The following FARP1 variants were observed in gnomAD, a reference collection of about 807,000 sequenced individuals.
The protein encoded by FARP1 is FERM, ARHGEF and pleckstrin domain-containing protein 1.
Under a neutral mutation model 128.8 loss-of-function variants are expected in FARP1, and 52 were observed. The observed-to-expected ratio is 0.40, with a 90% CI of 0.32 to 0.51. The LOEUF (loss-of-function observed/expected upper bound fraction) is 0.51, where lower values mean the gene tolerates loss of function less well. FARP1 is among the 20% of genes least tolerant of loss of function. The pLI is 0.45. For synonymous variants in FARP1, 580 were observed against 551.8 expected (o/e 1.05, Z -0.72); for missense variants, 1,333 against 1,367.9 (o/e 0.97, Z 0.40).
intron 2 of FARP1, among the ~76,000 whole-genome samples, chr13:98,312,417 G>A (rs957296782): frequency 2.0e-5 from 3 of 152,180 alleles, no homozygotes; most frequent in Non-Finnish European, 2.9e-5. Flanking sequence ...GGGATTACAG[G>A]CGTGAGACAC....
rs188198481 is a variant in FARP1 at position 98,252,535 on chromosome 13, G to A, written c.171+39122G>A. On this transcript the variant is annotated intron_variant, in intron 2 of 26. Coordinates refer to ENST00000319562, the MANE Select transcript of FARP1 (RefSeq NM_005766.4). ...CAACAATGGCCCAGCTAATGGACAG[G>A]AGTGCCCTGGTGGCAGATGGTCTGG... is the stretch of plus-strand genomic sequence containing the variant. Among the ~76,000 whole-genome samples, 328 of 152,354 alleles carry A rather than the reference G, an allele frequency of 2.2e-3. 1 individual carries two copies. The highest frequency in any genetic ancestry group is 3.6e-3 in the Non-Finnish European group (245 of 68,036).
At chr13:98,235,486 C>T (rs1159943581) in intron 2 of FARP1, among the ~76,000 whole-genome samples, 1 of 152,108 alleles carries the variant, frequency 6.6e-6, no homozygotes, top group African/African-American at 2.4e-5. Context: ...GTATCGGAGA[C>T]AGAGGGGGAA....
intron 2 of FARP1, among the ~76,000 whole-genome samples, chr13:98,286,537 C>T (rs575666827): frequency 3.3e-5 from 5 of 152,242 alleles, no homozygotes; most frequent in South Asian, 2.1e-4. Context: ...TCTTGTCTGC[C>T]GCCATGTGAG....
chr13:98,291,663 G>A (rs1594365810), intron 2 of FARP1, among the ~76,000 whole-genome samples: 2 of 152,206 alleles, frequency 1.3e-5, no homozygotes, highest in East Asian at 3.9e-4. Context: ...CCTGGTGCAG[G>A]GAGTCACTCC....
chr13:98,165,709 G>GTTTTTT (rs1566685742), intron 1 of FARP1, among the ~76,000 whole-genome samples: 6 of 102,472 alleles, frequency 5.9e-5, no homozygotes, highest in African/African-American at 1.0e-4. Flanking sequence ...TTCCAGAAGG[G>GTTTTTT]GTTTTTTTTT....
At chr13:98,201,959 GTTGA>G (rs1433877741) in intron 1 of FARP1, among the ~76,000 whole-genome samples, 2 of 152,224 alleles carry the variant, frequency 1.3e-5, no homozygotes, top group African/African-American at 4.8e-5. Flanking sequence ...GAAGTGTCTG[GTTGA>G]TGTAAAACAG....
chr13:98,379,122 A>AAT (rs570719713), intron 6 of FARP1, among the ~76,000 whole-genome samples: 770 of 54,138 alleles, frequency 0.014, 134 homozygotes, highest in Non-Finnish European at 0.02. Flanking sequence ...ATCTATATAT[A>AAT]ATATATATAT....
intron 7 of FARP1, among the ~76,000 whole-genome samples, chr13:98,385,081 A>G (rs1326952280): frequency 1.3e-5 from 2 of 152,194 alleles, no homozygotes; most frequent in African/African-American, 4.8e-5. Flanking sequence ...AACAAAAGAG[A>G]AAGTAAGAGC....
At chr13:98,199,474 TTTG>T (rs1295243567) in intron 1 of FARP1, among the ~76,000 whole-genome samples, 5 of 152,220 alleles carry the variant, frequency 3.3e-5, no homozygotes, top group African/African-American at 1.2e-4. Flanking sequence ...CTCATAAATG[TTTG>T]TTAATGGTGA....
chr13:98,389,932 C>G (rs574471205), intron 9 of FARP1, 25 bp from the exon 10 acceptor site: 2 of 1,611,372 alleles, frequency 1.2e-6, no homozygotes, highest in East Asian at 4.5e-5. Context: ...ATGGAAAAAA[C>G]CACCGTTGTA....
At chr13:98,255,561 A>T (rs1269049351) in intron 2 of FARP1, among the ~76,000 whole-genome samples, 1 of 152,158 alleles carries the variant, frequency 6.6e-6, no homozygotes, top group Non-Finnish European at 1.5e-5. Flanking sequence ...TGTTTTGCCG[A>T]TACCTTAAAA....
In FARP1 at chr13:98,451,795, C is replaced by T. The variant is rs1245199276; in HGVS notation, c.*3478C>T. ...GCACGAACCCTCCCACTCCAGAAACCCAGAGATTTTCCCCCTCGCCAAGCA... is the reference window on the plus strand; with the variant it reads ...GCACGAACCCTCCCACTCCAGAAACTCAGAGATTTTCCCCCTCGCCAAGCA... On this transcript the variant is annotated 3_prime_UTR_variant, in exon 27 of 27. Transcript: ENST00000319562. The T allele has an allele frequency of 6.6e-6, 1 of 152,308 alleles. No homozygotes were observed. Among genetic ancestry groups the T allele is most frequent in the Non-Finnish European group, 1.5e-5 (1 of 68,102 alleles). The allele number at this position is 152,308 out of a possible 1,614,324, so 9.4% of individuals were successfully genotyped here.
chr13:98,380,405 C>T lies in FARP1; in HGVS notation c.496+2487C>T, dbSNP rs61372320. ...AAACCCCACTGCCCTCCAGCCTGGG[C>T]GACAGAGTGAGACTCTGTCTAAAAA... On this transcript the variant is annotated intron_variant, in intron 6 of 26. Transcript: ENST00000319562. Among the ~76,000 whole-genome samples the T allele has an allele frequency of 5.0e-3, 733 of 147,322 alleles. 13 individuals are homozygous for T. Among genetic ancestry groups the T allele is most frequent in the African/African-American group, 0.017 (674 of 39,930 alleles).
intron 1 of FARP1, among the ~76,000 whole-genome samples, chr13:98,210,010 A>T (rs971768166): frequency 6.6e-6 from 1 of 150,762 alleles, no homozygotes; most frequent in Admixed American, 6.6e-5. Context: ...CATAATAATA[A>T]TAGTAAAATA....
At chr13:98,160,340 A>G (rs942524862) in intron 1 of FARP1, among the ~76,000 whole-genome samples, 2 of 152,144 alleles carry the variant, frequency 1.3e-5, no homozygotes, top group Non-Finnish European at 2.9e-5. Context: ...GGGAGTGGCT[A>G]TCCCCTTTCC....
At chr13:98,354,385 T>C (rs929532336) in intron 3 of FARP1, among the ~76,000 whole-genome samples, 5 of 152,330 alleles carry the variant, frequency 3.3e-5, no homozygotes, top group East Asian at 3.9e-4. Context: ...GTAGGATAGA[T>C]GAAAAGAGAC....
intron 17 of FARP1, among the ~76,000 whole-genome samples, chr13:98,428,874 A>G (rs1891891028): frequency 6.6e-6 from 1 of 152,250 alleles, no homozygotes; most frequent in Non-Finnish European, 1.5e-5. Flanking sequence ...CAAATAGGGG[A>G]CCACACGTGT....
At chr13:98,346,200 T>TTTTTG in intron 3 of FARP1, among the ~76,000 whole-genome samples, 1 of 149,132 alleles carries the variant, frequency 6.7e-6, no homozygotes, top group Non-Finnish European at 1.5e-5. Context: ...TTTTTTTTTT[T>TTTTTG]TTTTTTTGAG....
Position 98,452,864 on chromosome 13 carries a change from GGTTT to G in FARP1, c.*4552_*4555del, listed in dbSNP as rs1006753396. On this transcript the variant is annotated 3_prime_UTR_variant, in exon 27 of 27. Coordinates refer to ENST00000319562, the MANE Select transcript of FARP1 (RefSeq NM_005766.4). ...TCATAATCCCAAATATACATTTCAG[GGTTT>G]GTTTTTGTTTTTAAAGACACTTTCC... 112 of 297,364 alleles carry G rather than the reference GGTTT, an allele frequency of 3.8e-4. No homozygotes were observed. The highest frequency in any genetic ancestry group is 2.2e-3 in the African/African-American group (102 of 46,062). 18.4% of individuals were successfully genotyped at this position (297,364 alleles called of 1,614,324 possible).
Sources: allele counts gnomAD v4.1 joint callset (sites outside exome capture counted in the v4.1 genomes callset), GRCh38; gene constraint gnomAD v4.1.1; transcripts MANE v1.5; gene names NCBI Gene and HGNC (gene_info 2026-07-23, HGNC 2026-07-21).